The following STAMBP variants were observed in gnomAD, a reference collection of about 807,000 sequenced individuals.
The protein encoded by STAMBP is STAM binding protein, also known as STAM-binding protein.
A neutral mutation model predicts 50.7 loss-of-function variants in STAMBP; 31 were observed. That is an observed-to-expected ratio of 0.61 (90% CI 0.46 to 0.83). The LOEUF (loss-of-function observed/expected upper bound fraction) is 0.83, where lower values mean the gene tolerates loss of function less well. STAMBP is among the 40% of genes least tolerant of loss of function. STAMBP has a pLI of 0.00. For synonymous variants in STAMBP, 211 were observed against 192.4 expected (o/e 1.10, Z -0.80); for missense variants, 472 against 518.9 (o/e 0.91, Z 0.88).
At chr2:73,848,097 T>C (rs1676363644) in intron 5 of STAMBP, among the ~76,000 whole-genome samples, 1 of 152,208 alleles carries the variant, frequency 6.6e-6, no homozygotes, top group African/African-American at 2.4e-5. Flanking sequence ...GCTCTGACTT[T>C]GTTACCTCTC....
intron 2 of STAMBP, among the ~76,000 whole-genome samples, chr2:73,843,710 G>T (rs1441916712): frequency 6.6e-6 from 1 of 152,140 alleles, no homozygotes; most frequent in Non-Finnish European, 1.5e-5. Flanking sequence ...GAAGGATGAG[G>T]ACTTATCTTT....
At chr2:73,849,070 T>C (rs1676478934) in intron 5 of STAMBP, among the ~76,000 whole-genome samples, 1 of 152,198 alleles carries the variant, frequency 6.6e-6, no homozygotes, top group Non-Finnish European at 1.5e-5. Flanking sequence ...CTTAAGGTTA[T>C]TTTTAAGAAA....
At chr2:73,869,345 A>G (rs971721316), downstream of STAMBP, among the ~76,000 whole-genome samples, 1 of 152,148 alleles carries the variant, frequency 6.6e-6, no homozygotes, top group Non-Finnish European at 1.5e-5. Flanking sequence ...CATATGAAGA[A>G]AACCAGTAAG....
At chr2:73,837,881 G>C (rs1309873749) in intron 2 of STAMBP, among the ~76,000 whole-genome samples, 2 of 152,130 alleles carry the variant, frequency 1.3e-5, no homozygotes, top group Non-Finnish European at 2.9e-5. Context: ...AGAGTCAATA[G>C]GGGAGACTTT....
intron 10 of STAMBP, among the ~76,000 whole-genome samples, chr2:73,872,561 C>A (rs939862687): frequency 9.2e-5 from 14 of 152,258 alleles, no homozygotes; most frequent in Non-Finnish European, 2.1e-4. Context: ...GATAAAGGAG[C>A]CCTACTCTCA....
chr2:73,847,222 C>T (rs921494745), intron 4 of STAMBP, among the ~76,000 whole-genome samples, 165 bp from the exon 5 acceptor site: 19 of 152,068 alleles, frequency 1.2e-4, no homozygotes, highest in Admixed American at 5.2e-4. Flanking sequence ...GTGGTGACTA[C>T]ACTCCGTGGG....
At chr2:73,836,159 G>A (rs920621113) in intron 2 of STAMBP, among the ~76,000 whole-genome samples, 1 of 152,210 alleles carries the variant, frequency 6.6e-6, no homozygotes. Context: ...CAGCACTGTG[G>A]TATGTACACA....
rs1176377394 is a variant in STAMBP at position 73,847,628 on chromosome 2, A to T, written c.617A>T (p.Asp206Val). The change falls in exon 5 of 10, where the codon GAT (aspartate) becomes GTT (valine). Residue 206 changes from aspartate to valine, a missense_variant. By Grantham distance (152) the Asp-to-Val change is radical. Coordinates refer to ENST00000394070, the MANE Select transcript of STAMBP (RefSeq NM_213622.4). ...CCTGACTTGGAGAAGCCCTCCTTAG[A>T]TGTGTTCCCCACCTTAACAGTCTCA... is the stretch of plus-strand genomic sequence containing the variant. Reference protein sequence around the residue: ...LVPDLEKPSLDVFPTLTVSSI... With the variant: ...LVPDLEKPSLVVFPTLTVSSI... 6.2e-7 allele frequency: 1 copy of T among 1,614,188 alleles called. No individual in the cohort carries two copies. Among genetic ancestry groups the T allele is most frequent in the South Asian group, 1.1e-5 (1 of 91,066 alleles).
At chr2:73,844,261 CA>C (rs1675792181) in intron 2 of STAMBP, among the ~76,000 whole-genome samples, 1 of 152,204 alleles carries the variant, frequency 6.6e-6, no homozygotes, top group Admixed American at 6.5e-5. Context: ...GCACATACTA[CA>C]TGCATAGAAC....
chr2:73,854,239 A>T (rs1677252072), intron 7 of STAMBP, among the ~76,000 whole-genome samples: 1 of 152,224 alleles, frequency 6.6e-6, no homozygotes, highest in Non-Finnish European at 1.5e-5. Flanking sequence ...TTGAGGAAAC[A>T]CGTTTTAGAC....
rs1171586160 is a variant in STAMBP, at chr2:73,834,209, TAAAAAAAAAAA to T, written c.203+3168_203+3178del. ...CTGGGGACAGAGCAAGATCATGTCTTAAAAAAAAAAAAAAAAAAAAAAAAAAAATATATATA... is the reference window on the plus strand; with the variant it reads ...CTGGGGACAGAGCAAGATCATGTCTTAAAAAAAAAAAAAAAAATATATATA... On this transcript the variant is annotated intron_variant, in intron 2 of 9. Coordinates refer to ENST00000394070, the MANE Select transcript of STAMBP (RefSeq NM_213622.4). Among the ~76,000 whole-genome samples the T allele has an allele frequency of 6.7e-3, 57 of 8,544 alleles. 1 individual carries two copies. The highest frequency in any genetic ancestry group is 0.018 in the African/African-American group (54 of 3,000). The allele number at this position is 8,544 out of a possible 152,430, so 5.6% of individuals were successfully genotyped here. A position where few individuals can be genotyped will look rare whatever the true frequency, so the allele number is the denominator to read the frequency against.
At chr2:73,859,000 G>A (rs996599464) in intron 7 of STAMBP, among the ~76,000 whole-genome samples, 21 of 151,892 alleles carry the variant, frequency 1.4e-4, no homozygotes, top group Admixed American at 1.3e-4. Flanking sequence ...GCATACTTGC[G>A]ATAAAGTTTA....
rs540425518 is a variant in STAMBP, at chr2:73,847,040, C to T, written c.376-347C>T. Among the ~76,000 whole-genome samples the T allele has an allele frequency of 2.7e-5, 4 of 148,114 alleles. No homozygotes were observed. The South Asian group carries it at 6.4e-4, about 24-fold the overall frequency. ...AAGGCTGCAGTGAGCTGTGATCATG[C>T]CATTGCACTTCAGCCTGGGAAACAG... On this transcript the variant is annotated intron_variant, in intron 4 of 9. Transcript: ENST00000394070.
At position 73,829,060 on chromosome 2, in the gene STAMBP, G is replaced by C. The variant is rs1673543259; in HGVS notation, c.-463G>C. 1.3e-5 allele frequency: 2 copies of C among 152,414 alleles called. No homozygotes were observed. The highest frequency in any genetic ancestry group is 2.4e-5 in the African/African-American group (1 of 41,564). The allele number at this position is 152,414 out of a possible 1,614,324, so 9.4% of individuals were successfully genotyped here. On this transcript the variant is annotated 5_prime_UTR_variant, in exon 1 of 10. Coordinates refer to ENST00000394070, the MANE Select transcript of STAMBP (RefSeq NM_213622.4). ...CCGAGCGTGGTTGGACTTTGAAGGGGATCGGCCGCCGTGAGTGTGGGGCCT... is the reference window on the plus strand; with the variant it reads ...CCGAGCGTGGTTGGACTTTGAAGGGCATCGGCCGCCGTGAGTGTGGGGCCT...
rs776345834 is a variant in STAMBP at position 73,850,375 on chromosome 2, G to A, written c.868-1G>A. On this transcript the variant is annotated splice_acceptor_variant, in intron 6 of 9. Transcript: ENST00000394070. LOFTEE classifies it high-confidence loss of function. The surrounding 1 kb of genome is among the most constrained non-coding windows in gnomAD (Gnocchi z 4.3). ...TGACCAGCTGTTTTCTCCTTTGGCAGATGAGGAATGAATTTACCATTACCC... is the reference window on the plus strand; with the variant it reads ...TGACCAGCTGTTTTCTCCTTTGGCAAATGAGGAATGAATTTACCATTACCC... The A allele has an allele frequency of 1.9e-6, 3 of 1,606,702 alleles. No homozygotes were observed. In the South Asian group the frequency reaches 3.3e-5, roughly 18 times the overall value.
chr2:73,864,847 A>G lies in STAMBP; in HGVS notation c.*2588A>G, dbSNP rs1479319451. On this transcript the variant is annotated 3_prime_UTR_variant, in exon 10 of 10. Coordinates refer to ENST00000394070, the MANE Select transcript of STAMBP (RefSeq NM_213622.4). ...AGTGCCATAGGCCAGGTGCAGAGAG[A>G]ATCAGAGGAGCTGATTTGCTTGGGG... 6.6e-6 allele frequency: 1 copy of G among 152,218 alleles called. No individual in the cohort carries two copies. The highest frequency in any genetic ancestry group is 1.5e-5 in the Non-Finnish European group (1 of 68,072). The allele number at this position is 152,218 out of a possible 1,614,324, so 9.4% of individuals were successfully genotyped here.
At chr2:73,842,688 G>A (rs180697360) in intron 2 of STAMBP, among the ~76,000 whole-genome samples, 201 of 152,278 alleles carry the variant, frequency 1.3e-3, no homozygotes, top group African/African-American at 4.6e-3. Context: ...TTTGTTATAT[G>A]TCATTGTGCT....
At chr2:73,833,171 T>A (rs1674178374) in intron 2 of STAMBP, among the ~76,000 whole-genome samples, 1 of 152,268 alleles carries the variant, frequency 6.6e-6, no homozygotes, top group African/African-American at 2.4e-5. Flanking sequence ...TGGCAGGCTT[T>A]AGCCTCCAAT....
chr2:73,834,804 G>T (rs1419414707), intron 2 of STAMBP, among the ~76,000 whole-genome samples: 1 of 152,152 alleles, frequency 6.6e-6, no homozygotes, highest in Non-Finnish European at 1.5e-5. Context: ...AAGAGCATAG[G>T]GCAGAGCATT....
Sources: gnomAD v4.1 joint callset for allele counts (sites outside exome capture counted in the v4.1 genomes callset) on GRCh38, gnomAD v4.1.1 for gene constraint, Gnocchi (gnomAD v3.1) non-coding constraint, MANE v1.5 for transcripts, NCBI Gene and HGNC (gene_info 2026-07-23, HGNC 2026-07-21) for gene names.